The following MAP3K5 variants were observed in gnomAD, a reference collection of about 807,000 sequenced individuals.
The protein encoded by MAP3K5 is ASK-1.
Under a neutral mutation model 158.7 loss-of-function variants are expected in MAP3K5, and 56 were observed. The ratio of observed to expected loss-of-function variants is 0.35; its 90% CI spans 0.28 to 0.44. The LOEUF is 0.44. Ranked by LOEUF, MAP3K5 falls within the 20% of genes least tolerant of loss-of-function variation. MAP3K5 has a pLI of 1.00. For missense variants in MAP3K5, 1,294 were observed against 1,674.8 expected, an observed-to-expected ratio of 0.77 and a Z score of 3.97; for synonymous variants, 579 against 601.7, an observed-to-expected ratio of 0.96 and a Z score of 0.55.
chr6:136,599,971 GA>G (rs900360520), intron 21 of MAP3K5, among the ~76,000 whole-genome samples: 16 of 152,132 alleles, frequency 1.1e-4, no homozygotes, highest in African/African-American at 3.9e-4. Context: ...CAGATTCTCA[GA>G]ATGGAAGAAA....
chr6:136,611,945 G>A (rs1583272355), intron 17 of MAP3K5, among the ~76,000 whole-genome samples: 1 of 152,238 alleles, frequency 6.6e-6, no homozygotes, highest in African/African-American at 2.4e-5. Flanking sequence ...ACTGAAGACT[G>A]GCCTTTTGAG....
intron 4 of MAP3K5, 145 bp downstream of exon 4, chr6:136,698,344 T>C: frequency 3.0e-6 from 2 of 664,538 alleles, no homozygotes; most frequent in Middle Eastern, 4.0e-4. Flanking sequence ...GCATCTATTT[T>C]ATCTACTTGG....
chr6:136,722,843 T>A (rs772840306), intron 1 of MAP3K5, among the ~76,000 whole-genome samples: 2 of 151,846 alleles, frequency 1.3e-5, no homozygotes, highest in Non-Finnish European at 2.9e-5. Flanking sequence ...TGTGTCACCA[T>A]GCCTGGCTAA....
intron 28 of MAP3K5, 32 bp downstream of exon 28, chr6:136,561,501 A>G (rs1830511343): frequency 2.0e-6 from 3 of 1,488,294 alleles, no homozygotes; most frequent in Non-Finnish European, 2.8e-6. Flanking sequence ...ACGAAGTGAA[A>G]GAATACTTGT....
chr6:136,734,421 G>GAAAAAAAAAAAAAAAAAAA lies in MAP3K5; in HGVS notation c.449-13851_449-13833dup, dbSNP rs1016817563. On this transcript the variant is annotated intron_variant, in intron 1 of 29. Coordinates refer to ENST00000359015, the MANE Select transcript of MAP3K5 (RefSeq NM_005923.4). Reference sequence around the variant, plus strand: ...GCCAACAAAGCGAGACTCTGTCTCGGAAAAAAAAAAAAAAAAAAAAAAAGG... The same window carrying GAAAAAAAAAAAAAAAAAAA: ...GCCAACAAAGCGAGACTCTGTCTCGGAAAAAAAAAAAAAAAAAAAAAAAAAAAAAAAAAAAAAAAAAAGG... 3.5e-5 allele frequency among the ~76,000 whole-genome samples: 2 copies of GAAAAAAAAAAAAAAAAAAA among 56,736 alleles called. 1 individual carries two copies. The highest frequency in any genetic ancestry group is 1.4e-4 in the African/African-American group (2 of 14,398). 37.2% of individuals were successfully genotyped at this position (56,736 alleles called of 152,430 possible).
At chr6:136,579,226 T>A (rs77884413) in intron 25 of MAP3K5, among the ~76,000 whole-genome samples, 3,178 of 152,254 alleles carry the variant, frequency 0.021, 58 homozygotes, top group East Asian at 0.072. Context: ...CATGCATCCA[T>A]GCATCCACCC....
intron 2 of MAP3K5, among the ~76,000 whole-genome samples, chr6:136,709,483 T>C (rs1043067336): frequency 6.6e-6 from 1 of 152,040 alleles, no homozygotes; most frequent in Non-Finnish European, 1.5e-5. Context: ...GATGCCCTCA[T>C]GCTCCCCCAG....
chr6:136,615,955 CATTTA>C (rs1413008190), intron 15 of MAP3K5, among the ~76,000 whole-genome samples: 1 of 152,024 alleles, frequency 6.6e-6, no homozygotes, highest in Non-Finnish European at 1.5e-5. Context: ...CATTTAAATT[CATTTA>C]ATTTAAATTA....
intron 25 of MAP3K5, among the ~76,000 whole-genome samples, chr6:136,576,338 G>A (rs1774614704): frequency 6.6e-6 from 1 of 152,046 alleles, no homozygotes; most frequent in African/African-American, 2.4e-5. Context: ...ATGACATGGG[G>A]TCTCGCTCTG....
chr6:136,730,555 A>G (rs947127288), intron 1 of MAP3K5, among the ~76,000 whole-genome samples: 1 of 151,860 alleles, frequency 6.6e-6, no homozygotes, highest in Non-Finnish European at 1.5e-5. Context: ...CCCCGTCTCC[A>G]CTAAAAACAC....
chr6:136,578,600 A>C (rs1253920958), intron 25 of MAP3K5, among the ~76,000 whole-genome samples: 2 of 151,742 alleles, frequency 1.3e-5, no homozygotes, highest in Non-Finnish European at 2.9e-5. Flanking sequence ...GGTGGCCTGA[A>C]GAATGCAAAG....
chr6:136,667,199 T>A (rs1779264976), intron 8 of MAP3K5, among the ~76,000 whole-genome samples: 1 of 152,080 alleles, frequency 6.6e-6, no homozygotes, highest in South Asian at 2.1e-4. Context: ...TATGACTGTA[T>A]CAAAATAGAA....
chr6:136,585,023 G>A (rs527258239), intron 23 of MAP3K5, among the ~76,000 whole-genome samples: 6 of 151,960 alleles, frequency 3.9e-5, no homozygotes, highest in Non-Finnish European at 8.8e-5. Flanking sequence ...TTCTAAGAAC[G>A]GACCGATGGA....
intron 14 of MAP3K5, chr6:136,637,048 A>G (rs1340865322): frequency 1.6e-6 from 2 of 1,248,374 alleles, no homozygotes; most frequent in African/African-American, 3.1e-5. Flanking sequence ...GTGTAAGGAC[A>G]CCGTGGCCCA....
In MAP3K5 at chr6:136,724,621, T is replaced by C. The variant is rs1781887235; in HGVS notation, c.449-4032A>G. On this transcript the variant is annotated intron_variant, in intron 1 of 29. Transcript: ENST00000359015. ...CTCTAAACATCTAAACAGGAACAGA[T>C]CCATTTCTGGATGCTATAAAGAACA... 1.3e-5 allele frequency among the ~76,000 whole-genome samples: 2 copies of C among 152,254 alleles called. 1 individual carries two copies. Among genetic ancestry groups the C allele is most frequent in the East Asian group, 3.9e-4 (2 of 5,186 alleles).
chr6:136,618,271 T>A (rs1776651607), intron 15 of MAP3K5, among the ~76,000 whole-genome samples: 1 of 152,258 alleles, frequency 6.6e-6, no homozygotes, highest in Non-Finnish European at 1.5e-5. Context: ...CCCTCCAGGT[T>A]ACATGGATAG....
At chr6:136,557,927 C>A in intron 29 of MAP3K5, 109 bp from the exon 30 acceptor site, 2 of 768,008 alleles carry the variant, frequency 2.6e-6, no homozygotes, top group Non-Finnish European at 4.7e-6. Context: ...AGAAGAAGAT[C>A]CCAAAGTCTG....
chr6:136,768,903 T>C (rs556839491), intron 1 of MAP3K5, among the ~76,000 whole-genome samples: 2 of 147,564 alleles, frequency 1.4e-5, no homozygotes, highest in Non-Finnish European at 3.0e-5. Context: ...ACAGACACAG[T>C]GAAACTCCAT....
chr6:136,788,960 G>A (rs1221688558), intron 1 of MAP3K5, among the ~76,000 whole-genome samples: 2 of 152,194 alleles, frequency 1.3e-5, no homozygotes, highest in Non-Finnish European at 2.9e-5. Flanking sequence ...GATATTGAAT[G>A]TTCTCACTCA....
Sources: gnomAD v4.1 joint callset for allele counts (sites outside exome capture counted in the v4.1 genomes callset) on GRCh38, gnomAD v4.1.1 for gene constraint, MANE v1.5 for transcripts, NCBI Gene and HGNC (gene_info 2026-07-23, HGNC 2026-07-21) for gene names.